SLC35F3: variants seen among roughly 807,000 people sequenced by gnomAD.
SLC35F3 encodes putative thiamine transporter SLC35F3.
In SLC35F3, 25 loss-of-function variants were observed where a neutral mutation model predicts 49.9. That is an observed-to-expected ratio of 0.50 (90% CI 0.37 to 0.70). SLC35F3 has a LOEUF of 0.70. SLC35F3 is among the 30% of genes least tolerant of loss of function. The probability of loss-of-function intolerance (pLI) is 0.00; values close to 1 mark genes in which losing one functional copy is unlikely to be tolerated. For synonymous variants in SLC35F3, 275 were observed against 265.4 expected (o/e 1.04, Z -0.35); for missense variants, 525 against 639.8 (o/e 0.82, Z 1.94).
At chr1:234,305,481 C>T (rs1436004916) in intron 3 of SLC35F3, among the ~76,000 whole-genome samples, 1 of 150,908 alleles carries the variant, frequency 6.6e-6, no homozygotes, top group East Asian at 2.0e-4. Context: ...CTTCCAGGTT[C>T]AAGCGATTCC....
intron 3 of SLC35F3, among the ~76,000 whole-genome samples, chr1:234,302,168 G>A (rs517451): frequency 9.9e-5 from 15 of 151,112 alleles, no homozygotes; most frequent in Non-Finnish European, 1.5e-4. Flanking sequence ...TGTTGTTGTT[G>A]TTTTTTTTAA....
chr1:234,157,028 A>C (rs1666164238), intron 2 of SLC35F3, among the ~76,000 whole-genome samples: 1 of 152,182 alleles, frequency 6.6e-6, no homozygotes. Context: ...AAATGTTATA[A>C]AATTTATTAC....
intron 2 of SLC35F3, among the ~76,000 whole-genome samples, chr1:234,224,221 T>C (rs1435675264): frequency 6.6e-6 from 1 of 152,110 alleles, no homozygotes; most frequent in East Asian, 1.9e-4. Flanking sequence ...AGCACCACCA[T>C]GCGCAGCTAA....
intron 2 of SLC35F3, among the ~76,000 whole-genome samples, chr1:234,098,422 G>T (rs1665160790): frequency 6.6e-6 from 1 of 151,534 alleles, no homozygotes; most frequent in Non-Finnish European, 1.5e-5. Context: ...GTTGGTGGTG[G>T]TGGTGGCAGT....
At chr1:234,281,841 G>A (rs542304146) in intron 3 of SLC35F3, among the ~76,000 whole-genome samples, 17 of 152,168 alleles carry the variant, frequency 1.1e-4, no homozygotes, top group Admixed American at 3.3e-4. Flanking sequence ...ACTTTGTCTC[G>A]GGGGTAGAGT....
chr1:233,932,896 C>G (rs1662267774), intron 2 of SLC35F3, among the ~76,000 whole-genome samples: 1 of 152,168 alleles, frequency 6.6e-6, no homozygotes, highest in African/African-American at 2.4e-5. Context: ...GGAAGCACAT[C>G]TTATTTTCCC....
chr1:234,279,173 G>A (rs1275721995), intron 3 of SLC35F3, among the ~76,000 whole-genome samples: 9 of 152,110 alleles, frequency 5.9e-5, no homozygotes, highest in African/African-American at 2.2e-4. Context: ...AGTGGGGAGG[G>A]GACTTCCAGG....
intron 2 of SLC35F3, among the ~76,000 whole-genome samples, chr1:234,226,347 G>T (rs1667285295): frequency 6.6e-6 from 1 of 151,960 alleles, no homozygotes; most frequent in Non-Finnish European, 1.5e-5. Flanking sequence ...TTACCCTAAA[G>T]AAAGGACTTG....
intron 2 of SLC35F3, among the ~76,000 whole-genome samples, chr1:234,208,394 G>A (rs1217409804): frequency 6.6e-6 from 1 of 152,188 alleles, no homozygotes; most frequent in Non-Finnish European, 1.5e-5. Flanking sequence ...TACAACCCAG[G>A]CTGGAATTCT....
At chr1:234,237,323 T>C (rs1326853664) in intron 3 of SLC35F3, among the ~76,000 whole-genome samples, 1 of 152,154 alleles carries the variant, frequency 6.6e-6, no homozygotes, top group Non-Finnish European at 1.5e-5. Flanking sequence ...CCTGAAGTAT[T>C]ATAAAACTTG....
At chr1:234,066,009 G>A (rs972234903) in intron 2 of SLC35F3, among the ~76,000 whole-genome samples, 9 of 152,162 alleles carry the variant, frequency 5.9e-5, no homozygotes, top group Non-Finnish European at 1.0e-4. Context: ...GTTCCATCCC[G>A]GTTGCATCTT....
At chr1:234,168,684 T>A (rs968210354) in intron 2 of SLC35F3, among the ~76,000 whole-genome samples, 1 of 152,186 alleles carries the variant, frequency 6.6e-6, no homozygotes, top group African/African-American at 2.4e-5. Context: ...CAAGACTGCA[T>A]TTGCTATGCC....
At chr1:234,156,550 A>G (rs1272002391) in intron 2 of SLC35F3, among the ~76,000 whole-genome samples, 1 of 152,240 alleles carries the variant, frequency 6.6e-6, no homozygotes, top group Non-Finnish European at 1.5e-5. Context: ...ACAGTTGAGC[A>G]GTTCCTCAAA....
chr1:233,940,219 ATTG>A (rs965735745), intron 2 of SLC35F3, among the ~76,000 whole-genome samples: 1 of 152,162 alleles, frequency 6.6e-6, no homozygotes, highest in African/African-American at 2.4e-5. Flanking sequence ...CATATAAAAT[ATTG>A]TTGATGTCTT....
intron 2 of SLC35F3, among the ~76,000 whole-genome samples, chr1:233,966,425 A>T (rs535879104): frequency 3.7e-4 from 57 of 152,192 alleles, no homozygotes; most frequent in African/African-American, 1.3e-3. Flanking sequence ...GTACACCCCA[A>T]TCAGACCCAA....
intron 3 of SLC35F3, among the ~76,000 whole-genome samples, chr1:234,273,352 G>T (rs976558945): frequency 2.0e-5 from 3 of 152,176 alleles, no homozygotes; most frequent in South Asian, 2.1e-4. Flanking sequence ...GCCCACACCG[G>T]TGTGAGTGGT....
At chr1:234,015,074 A>G (rs937858722) in intron 2 of SLC35F3, among the ~76,000 whole-genome samples, 4 of 152,176 alleles carry the variant, frequency 2.6e-5, no homozygotes, top group African/African-American at 9.6e-5. Flanking sequence ...AGCTGGGTAC[A>G]GTGGCTCATG....
At chr1:234,301,304 G>A (rs949765641) in intron 3 of SLC35F3, among the ~76,000 whole-genome samples, 3 of 152,138 alleles carry the variant, frequency 2.0e-5, no homozygotes, top group African/African-American at 7.2e-5. Context: ...TCTGACAAAG[G>A]TCTAACATCC....
intron 2 of SLC35F3, among the ~76,000 whole-genome samples, chr1:234,059,312 T>G (rs1664503107): frequency 6.6e-6 from 1 of 152,122 alleles, no homozygotes; most frequent in Admixed American, 6.5e-5. Flanking sequence ...AACTATAAAC[T>G]TTCCTCCAAG....
Sources: gnomAD v4.1 joint callset for allele counts (sites outside exome capture counted in the v4.1 genomes callset) on GRCh38, gnomAD v4.1.1 for gene constraint, MANE v1.5 for transcripts, NCBI Gene and HGNC (gene_info 2026-07-23, HGNC 2026-07-21) for gene names.